Variants in WWTR1 observed in about 807,000 individuals in gnomAD.
WWTR1 encodes the protein WW domain-containing transcription regulator protein 1.
In WWTR1, 13 loss-of-function variants were observed where a neutral mutation model predicts 40.1. That is an observed-to-expected ratio of 0.32 (90% CI 0.21 to 0.52). The LOEUF (loss-of-function observed/expected upper bound fraction) is 0.52. Among genes scored for constraint, WWTR1 ranks in the 20% least tolerant of loss-of-function variants. WWTR1 has a pLI of 0.97. For missense variants in WWTR1, 436 were observed against 523.1 expected (o/e 0.83, Z 1.63); for synonymous variants, 230 against 210.1 (o/e 1.09, Z -0.82).
intron 2 of WWTR1, among the ~76,000 whole-genome samples, chr3:149,582,464 G>A (rs1224373933): frequency 1.3e-5 from 2 of 151,888 alleles, no homozygotes; most frequent in African/African-American, 4.8e-5. Flanking sequence ...AGTGGCTCAC[G>A]CCTGTAATCC....
chr3:149,536,577 A>C (rs1735845666), intron 4 of WWTR1, among the ~76,000 whole-genome samples: 1 of 152,014 alleles, frequency 6.6e-6, no homozygotes, highest in African/African-American at 2.4e-5. Context: ...GTGCGAGGTC[A>C]GCCAGCTGGC....
chr3:149,541,359 C>A (rs1184972734), intron 4 of WWTR1, among the ~76,000 whole-genome samples: 1 of 152,194 alleles, frequency 6.6e-6, no homozygotes, highest in Non-Finnish European at 1.5e-5. Context: ...CTGAGCCTGA[C>A]CCACAGAGGG....
At chr3:149,704,469 A>G (rs750835397), upstream of WWTR1, among the ~76,000 whole-genome samples, 1 of 152,196 alleles carries the variant, frequency 6.6e-6, no homozygotes, top group Non-Finnish European at 1.5e-5. Flanking sequence ...CAGAGCTAGG[A>G]CACTAGGCAC....
chr3:149,693,391 T>C (rs1215594541), intron 1 of WWTR1, among the ~76,000 whole-genome samples: 2 of 152,136 alleles, frequency 1.3e-5, no homozygotes, highest in East Asian at 3.9e-4. Context: ...GTATTGTTAA[T>C]ATGCCTACAC....
intron 4 of WWTR1, among the ~76,000 whole-genome samples, chr3:149,532,021 G>C (rs1351008662): frequency 6.6e-6 from 1 of 152,152 alleles, no homozygotes; most frequent in Non-Finnish European, 1.5e-5. Context: ...CCTCACATAG[G>C]ATGAACAGGA....
chr3:149,543,996 G>A (rs1736256053), intron 3 of WWTR1, among the ~76,000 whole-genome samples: 1 of 151,530 alleles, frequency 6.6e-6, no homozygotes, highest in African/African-American at 2.4e-5. Flanking sequence ...TTGAATTCCT[G>A]GGCTCAAGCA....
At chr3:149,694,775 A>T (rs904049252) in intron 1 of WWTR1, among the ~76,000 whole-genome samples, 1 of 152,250 alleles carries the variant, frequency 6.6e-6, no homozygotes, top group Non-Finnish European at 1.5e-5. Flanking sequence ...AAAAAACTAA[A>T]AAACTACCAT....
chr3:149,584,277 C>A (rs1738302078), intron 2 of WWTR1, among the ~76,000 whole-genome samples: 1 of 152,178 alleles, frequency 6.6e-6, no homozygotes, highest in Non-Finnish European at 1.5e-5. Context: ...CTCTTTAAAA[C>A]CAAAAATTCT....
chr3:149,724,188 A>G (rs1715821541), exon 4 of WWTR1: 1 of 152,188 alleles, frequency 6.6e-6, no homozygotes, highest in Non-Finnish European at 1.5e-5. Context: ...TTATTTTCAA[A>G]AACTTTTTAT....
intron 1 of WWTR1, among the ~76,000 whole-genome samples, chr3:149,674,267 A>G (rs1576635851): frequency 7.1e-6 from 1 of 141,050 alleles, no homozygotes. Flanking sequence ...GTCTTTCTCT[A>G]TCTCTTTCTC....
At chr3:149,542,292 C>T (rs2107937146) in intron 4 of WWTR1, 43 bp downstream of exon 4, 1 of 1,589,572 alleles carries the variant, frequency 6.3e-7, no homozygotes, top group East Asian at 2.2e-5. Context: ...AGCTTTGGCA[C>T]CAAGGCCAGG....
At chr3:149,710,570 T>TCCTCC (rs1715449752) in intron 5 of WWTR1, among the ~76,000 whole-genome samples, 1 of 18,186 alleles carries the variant, frequency 5.5e-5, no homozygotes, top group Non-Finnish European at 1.0e-4. Flanking sequence ...TATCCCCGCC[T>TCCTCC]CCCCCCCCCC....
In WWTR1 at chr3:149,519,384, T is replaced by A. The variant is rs903291146; in HGVS notation, c.*1421A>T. On this transcript the variant is annotated 3_prime_UTR_variant, in exon 7 of 7. Transcript: ENST00000360632. ...TACACCCTCAAAGGGCATTTTTTTT[T>A]ACATGTCAGTCAGAGATCTGCTTCA... 1.3e-5 allele frequency: 2 copies of A among 152,248 alleles called. No homozygotes were observed. The highest frequency in any genetic ancestry group is 2.9e-5 in the Non-Finnish European group (2 of 68,038). 9.4% of individuals were successfully genotyped at this position (152,248 alleles called of 1,614,324 possible).
intron 1 of WWTR1, among the ~76,000 whole-genome samples, chr3:149,686,903 C>A (rs771519555): frequency 3.3e-5 from 5 of 152,150 alleles, no homozygotes; most frequent in African/African-American, 1.2e-4. Context: ...TATGGCTTTG[C>A]AAATGCTGTG....
chr3:149,678,809 C>T (rs925918919), intron 1 of WWTR1, among the ~76,000 whole-genome samples: 4 of 149,164 alleles, frequency 2.7e-5, no homozygotes, highest in Admixed American at 1.4e-4. Context: ...ATTATATTAA[C>T]GTGTTCACAA....
chr3:149,628,294 C>T (rs1217858331), intron 2 of WWTR1, among the ~76,000 whole-genome samples: 1 of 151,892 alleles, frequency 6.6e-6, no homozygotes, highest in Non-Finnish European at 1.5e-5. Context: ...GGTGTGGACC[C>T]GGGAGGCAGA....
At chr3:149,559,333 A>C (rs1422040526) in intron 3 of WWTR1, among the ~76,000 whole-genome samples, 1 of 151,764 alleles carries the variant, frequency 6.6e-6, no homozygotes, top group African/African-American at 2.4e-5. Context: ...AGAAAAAAGA[A>C]AAAAAGAAAA....
intron 2 of WWTR1, among the ~76,000 whole-genome samples, chr3:149,582,646 C>G (rs1738207824): frequency 6.6e-6 from 1 of 151,984 alleles, no homozygotes; most frequent in South Asian, 2.1e-4. Context: ...CGGAAGATTA[C>G]TTCAGCCTGG....
chr3:149,623,694 T>C (rs1330706396), intron 2 of WWTR1, among the ~76,000 whole-genome samples: 1 of 152,230 alleles, frequency 6.6e-6, no homozygotes, highest in Non-Finnish European at 1.5e-5. Flanking sequence ...TAAGTGGAAA[T>C]TATGTAATTG....
Sources: gnomAD v4.1 joint callset for allele counts (sites outside exome capture counted in the v4.1 genomes callset) on GRCh38, gnomAD v4.1.1 for gene constraint, MANE v1.5 for transcripts, NCBI Gene and HGNC (gene_info 2026-07-23, HGNC 2026-07-21) for gene names.